The following RASA3 variants were observed in gnomAD, a reference collection of about 807,000 sequenced individuals.
RASA3 encodes the protein ras GTPase-activating protein 3.
In RASA3, 73 loss-of-function variants were observed where a neutral mutation model predicts 110.0. That is an observed-to-expected ratio of 0.66 (90% confidence interval 0.55 to 0.81). The LOEUF (loss-of-function observed/expected upper bound fraction) is 0.81, where lower values mean the gene tolerates loss of function less well. Among genes scored for constraint, RASA3 ranks in the 30% least tolerant of loss-of-function variants. The pLI is 0.00. For missense variants in RASA3, 976 were observed against 1,113.2 expected, an observed-to-expected ratio of 0.88 and a Z score of 1.75; for synonymous variants, 500 against 451.4, an observed-to-expected ratio of 1.11 and a Z score of -1.37.
rs548114085 is a variant in RASA3, at chr13:114,002,921, G to A, written c.1743-1989C>T. ...CAGCAAACACACGCTGCGCTGCAGA[G>A]GCCCCGTCCCCAGTCCTGTGTCCCA... On this transcript the variant is annotated intron_variant, in intron 18 of 23. Transcript: ENST00000334062. 2.0e-5 allele frequency among the ~76,000 whole-genome samples: 3 copies of A among 152,356 alleles called. No homozygotes were observed. In the East Asian group the frequency reaches 5.8e-4, roughly 29 times the overall value.
intron 5 of RASA3, among the ~76,000 whole-genome samples, chr13:114,028,703 C>T (rs1296893567): frequency 2.0e-5 from 2 of 101,474 alleles, no homozygotes; most frequent in Non-Finnish European, 4.0e-5. Flanking sequence ...ACCTCTAAAA[C>T]GGCATCATCC....
intron 7 of RASA3, among the ~76,000 whole-genome samples, chr13:114,025,130 C>G (rs1472262294): frequency 6.6e-6 from 1 of 152,244 alleles, no homozygotes; most frequent in Non-Finnish European, 1.5e-5. Flanking sequence ...CTCCCTGCCC[C>G]CCCTTCTCCG....
chr13:114,120,804 G>A lies in RASA3; in HGVS notation c.55+11631C>T, dbSNP rs963853710. ...CTCCTGACTTCCTGTCACCAGGCAC[G>A]GGTGAGGAGGAACACCAGCAATTTC... On this transcript the variant is annotated intron_variant, in intron 1 of 23. Transcript: ENST00000334062. Among the ~76,000 whole-genome samples the A allele has an allele frequency of 5.9e-5, 9 of 152,236 alleles. 1 individual carries two copies. Among genetic ancestry groups the A allele is most frequent in the African/African-American group, 1.7e-4 (7 of 41,464 alleles).
chr13:113,994,877 G>A (rs1340291399), intron 21 of RASA3, among the ~76,000 whole-genome samples: 1 of 152,204 alleles, frequency 6.6e-6, no homozygotes, highest in African/African-American at 2.4e-5. Flanking sequence ...GGGAGGCTGA[G>A]GTGGGAGGAT....
intron 1 of RASA3, 118 bp from the exon 2 acceptor site, chr13:114,073,955 G>T: frequency 1.1e-6 from 1 of 921,144 alleles, no homozygotes; most frequent in African/African-American, 1.6e-5. Context: ...ATAAAGCCTT[G>T]GTTTTTTTGC....
At position 114,057,354 on chromosome 13, in the gene RASA3, C is replaced by A. The variant is rs571189390; in HGVS notation, c.174-5199G>T. On this transcript the variant is annotated intron_variant, in intron 2 of 23. Transcript: ENST00000334062. The surrounding 1 kb of genome is among the most constrained non-coding windows in gnomAD (Gnocchi z 5.0). Reference sequence around the variant, plus strand: ...CCACTGTGACCAAGCTTCATTCCCACGAGCTGGACGAGCAGAAGGCATTGC... The same window carrying A: ...CCACTGTGACCAAGCTTCATTCCCAAGAGCTGGACGAGCAGAAGGCATTGC... 1 of 985,392 alleles carries A rather than the reference C, an allele frequency of 1.0e-6. No homozygotes were observed. The highest frequency in any genetic ancestry group is 1.2e-6 in the Non-Finnish European group (1 of 829,926). 61.0% of individuals were successfully genotyped at this position (985,392 alleles called of 1,614,324 possible).
At chr13:114,017,801 C>T (rs1165875115) in intron 11 of RASA3, among the ~76,000 whole-genome samples, 1 of 152,186 alleles carries the variant, frequency 6.6e-6, no homozygotes, top group African/African-American at 2.4e-5. Flanking sequence ...GGAAGCTGTG[C>T]TCCATTTTTG....
rs1223547066 is a variant in RASA3, at chr13:113,978,631, G to A, written c.*716C>T. 1 of 152,334 alleles carries A rather than the reference G, an allele frequency of 6.6e-6. No homozygotes were observed. Among genetic ancestry groups the A allele is most frequent in the East Asian group, 1.9e-4 (1 of 5,174 alleles). 9.4% of individuals were successfully genotyped at this position (152,334 alleles called of 1,614,324 possible). A position where few individuals can be genotyped will look rare whatever the true frequency, so the allele number is the denominator to read the frequency against. Reference sequence around the variant, plus strand: ...ACTGTGGGCTCCGCAGACGCCTGGAGAAGCTGGAGCCCACACCTTTCCCTC... The same window carrying A: ...ACTGTGGGCTCCGCAGACGCCTGGAAAAGCTGGAGCCCACACCTTTCCCTC... On this transcript the variant is annotated 3_prime_UTR_variant, in exon 24 of 24. Transcript: ENST00000334062.
intron 1 of RASA3, among the ~76,000 whole-genome samples, chr13:114,119,453 C>A (rs1223564121): frequency 1.3e-5 from 2 of 152,162 alleles, no homozygotes; most frequent in Admixed American, 6.5e-5. Context: ...CGCTCAGGAT[C>A]CCCCAGCAGC....
intron 1 of RASA3, among the ~76,000 whole-genome samples, chr13:114,123,060 G>A (rs886466696): frequency 4.6e-5 from 7 of 152,210 alleles, no homozygotes; most frequent in African/African-American, 1.4e-4. Flanking sequence ...CCTTCGGTGC[G>A]TGCCCGGCAT....
At chr13:114,122,631 G>T (rs1027277747) in intron 1 of RASA3, among the ~76,000 whole-genome samples, 1 of 152,218 alleles carries the variant, frequency 6.6e-6, no homozygotes, top group Admixed American at 6.5e-5. Flanking sequence ...AGGTGGGTTC[G>T]CCCCTGCCCA....
intron 11 of RASA3, 126 bp from the exon 12 acceptor site, chr13:114,017,477 TGACA>T: frequency 1.3e-6 from 1 of 765,906 alleles, no homozygotes; most frequent in Non-Finnish European, 2.3e-6. Flanking sequence ...GTCGGCTTCC[TGACA>T]TTTTACAAGG....
At position 114,122,084 on chromosome 13, in the gene RASA3, G is replaced by A. The variant is rs186599368; in HGVS notation, c.55+10351C>T. Among the ~76,000 whole-genome samples the A allele has an allele frequency of 2.8e-3, 422 of 152,336 alleles. 4 individuals are homozygous for A. Among genetic ancestry groups the A allele is most frequent in the African/African-American group, 9.4e-3 (392 of 41,578 alleles). On this transcript the variant is annotated intron_variant, in intron 1 of 23. Transcript: ENST00000334062. ...CAGTCAGTCTTGGACATTAGTTGTC[G>A]GGGAGGGAGAGGATCTGGGAGGCCA... is the stretch of plus-strand genomic sequence containing the variant.
intron 23 of RASA3, 131 bp downstream of exon 23, chr13:113,981,544 T>G (rs2052933891): frequency 2.0e-6 from 2 of 1,010,866 alleles, no homozygotes; most frequent in Admixed American, 2.0e-5. Flanking sequence ...CCGGTGCAAG[T>G]GGGACTCTCC....
At chr13:114,013,424 C>CCT (rs1224569246) in intron 14 of RASA3, among the ~76,000 whole-genome samples, 176 bp from the exon 15 acceptor site, 1 of 135,058 alleles carries the variant, frequency 7.4e-6, no homozygotes, top group African/African-American at 2.8e-5. Context: ...TCTCTGTTTC[C>CCT]CTCTCTCTCT....
intron 1 of RASA3, among the ~76,000 whole-genome samples, chr13:114,119,642 G>A (rs1385631296): frequency 4.9e-5 from 3 of 61,560 alleles, no homozygotes; most frequent in Non-Finnish European, 1.0e-4. Context: ...CTCCAGCCAG[G>A]CGTCGATCAA....
chr13:113,995,778 C>T lies in RASA3; in HGVS notation c.2141+753G>A, dbSNP rs893851395. Among the ~76,000 whole-genome samples the T allele has an allele frequency of 4.5e-4, 11 of 24,598 alleles. 2 individuals are homozygous for T. Among genetic ancestry groups the T allele is most frequent in the East Asian group, 1.1e-3 (1 of 906 alleles). The allele number at this position is 24,598 out of a possible 152,430, so 16.1% of individuals were successfully genotyped here. On this transcript the variant is annotated intron_variant, in intron 21 of 23. Coordinates refer to ENST00000334062, the MANE Select transcript of RASA3 (RefSeq NM_007368.4). ...TGACGGGGGCCCGGCTGACGGGGGG[C>T]CCGGCTGACGGGGGGTCCGGCTGAT...
intron 18 of RASA3, among the ~76,000 whole-genome samples, chr13:114,003,342 G>A (rs1001960872): frequency 3.3e-5 from 5 of 152,212 alleles, no homozygotes; most frequent in African/African-American, 1.2e-4. Flanking sequence ...GCACCTGGGA[G>A]GCGCCTGTCC....
chr13:114,004,054 G>A (rs1467716158), intron 18 of RASA3, among the ~76,000 whole-genome samples: 2 of 152,230 alleles, frequency 1.3e-5, no homozygotes, highest in African/African-American at 4.8e-5. Context: ...TGAAATGTGT[G>A]TATTGCAAAT....
Sources: gnomAD v4.1 joint callset for allele counts (sites outside exome capture counted in the v4.1 genomes callset) on GRCh38, gnomAD v4.1.1 for gene constraint, Gnocchi (gnomAD v3.1) non-coding constraint, MANE v1.5 for transcripts, NCBI Gene and HGNC (gene_info 2026-07-23, HGNC 2026-07-21) for gene names.